The following ANKRD44 variants were observed in gnomAD, a reference collection of about 807,000 sequenced individuals.
ANKRD44 encodes serine/threonine-protein phosphatase 6 regulatory ankyrin repeat subunit B.
Under a neutral mutation model 116.0 loss-of-function variants are expected in ANKRD44, and 35 were observed. The observed-to-expected ratio is 0.30, with a 90% confidence interval of 0.23 to 0.40. ANKRD44 has a LOEUF of 0.40. ANKRD44 is among the 10% of genes least tolerant of loss of function. The probability of loss-of-function intolerance (pLI) is 1.00; values close to 1 mark genes in which losing one functional copy is unlikely to be tolerated. For missense variants in ANKRD44, 1,014 were observed against 1,242.6 expected, an observed-to-expected ratio of 0.82 and a Z score of 2.77; for synonymous variants, 435 against 461.8, an observed-to-expected ratio of 0.94 and a Z score of 0.74.
At position 197,110,863 on chromosome 2, in the gene ANKRD44, G is replaced by A; in HGVS notation, c.907-19C>T. On this transcript the variant is annotated intron_variant, in intron 8 of 27. Transcript: ENST00000282272. ...CTTTACTCTAAAAAAAAGAGAGGGA[G>A]AGAAAAACAATGGAGGTGCTCATGA... The A allele has an allele frequency of 1.9e-6, 3 of 1,603,958 alleles. No individual in the cohort carries two copies. The highest frequency in any genetic ancestry group is 2.6e-6 in the Non-Finnish European group (3 of 1,170,804).
At chr2:197,298,100 A>G (rs2083777310) in intron 1 of ANKRD44, among the ~76,000 whole-genome samples, 1 of 152,248 alleles carries the variant, frequency 6.6e-6, no homozygotes, top group African/African-American at 2.4e-5. Flanking sequence ...GAAACCACTC[A>G]AGGCAACAAC....
chr2:197,243,340 T>G (rs2125804798), intron 1 of ANKRD44, among the ~76,000 whole-genome samples: 1 of 150,836 alleles, frequency 6.6e-6, no homozygotes, highest in South Asian at 2.1e-4. Flanking sequence ...TTAAAGAACC[T>G]AAGAAACAAG....
At chr2:197,116,656 A>G (rs1195621045) in intron 8 of ANKRD44, among the ~76,000 whole-genome samples, 2 of 152,124 alleles carry the variant, frequency 1.3e-5, no homozygotes, top group African/African-American at 4.8e-5. Context: ...CTAAGAGTAA[A>G]GGGCTGTTTC....
chr2:197,258,644 A>C (rs1203893951), intron 1 of ANKRD44, among the ~76,000 whole-genome samples: 1 of 152,188 alleles, frequency 6.6e-6, no homozygotes, highest in Non-Finnish European at 1.5e-5. Flanking sequence ...TTCTATATAT[A>C]ACTTTTTGAG....
At chr2:197,253,550 T>C (rs936696732) in intron 1 of ANKRD44, among the ~76,000 whole-genome samples, 1 of 152,172 alleles carries the variant, frequency 6.6e-6, no homozygotes, top group Non-Finnish European at 1.5e-5. Flanking sequence ...TTATGCTATA[T>C]ATATTTATTG....
intron 2 of ANKRD44, 24 bp from the exon 3 acceptor site, chr2:197,147,129 A>G (rs113567013): frequency 1.2e-6 from 2 of 1,609,580 alleles, no homozygotes; most frequent in Admixed American, 3.3e-5. Flanking sequence ...CGTCAAAGAC[A>G]TACAACAGGT....
rs1013838595 is a variant in ANKRD44, at chr2:197,107,309, A to G, written c.985+3457T>C. ...TTATTTTTAAAGCTTCTGTGAAGAA[A>G]ACATCATTTTTGAACTTGTGTAACC... On this transcript the variant is annotated intron_variant, in intron 9 of 27. Coordinates refer to ENST00000282272, the MANE Select transcript of ANKRD44 (RefSeq NM_001195144.2). Among the ~76,000 whole-genome samples, 4 of 152,200 alleles carry G rather than the reference A, an allele frequency of 2.6e-5. No individual in the cohort carries two copies. The East Asian group carries it at 7.7e-4, about 29-fold the overall frequency.
At chr2:197,045,529 CCT>C (rs1316776714) in intron 16 of ANKRD44, among the ~76,000 whole-genome samples, 1 of 147,870 alleles carries the variant, frequency 6.8e-6, no homozygotes, top group Non-Finnish European at 1.5e-5. Context: ...AATTTCCACC[CCT>C]GTTATTCACT....
chr2:197,030,334 CTG>C (rs1380519634), intron 16 of ANKRD44, among the ~76,000 whole-genome samples: 2 of 152,194 alleles, frequency 1.3e-5, no homozygotes, highest in Non-Finnish European at 2.9e-5. Context: ...CAGAGAAAAT[CTG>C]TGATTTCCAA....
intron 1 of ANKRD44, among the ~76,000 whole-genome samples, chr2:197,252,205 A>C (rs1048733771): frequency 6.6e-6 from 1 of 152,166 alleles, no homozygotes; most frequent in Non-Finnish European, 1.5e-5. Context: ...AAGAACAGGC[A>C]TTGGTATACA....
chr2:197,089,809 T>C, intron 11 of ANKRD44, 141 bp downstream of exon 11: 1 of 628,036 alleles, frequency 1.6e-6, no homozygotes, highest in Non-Finnish European at 2.8e-6. Context: ...CACATGCAGT[T>C]AGCTGAGAAA....
chr2:197,245,487 G>C (rs1227033795), intron 1 of ANKRD44, among the ~76,000 whole-genome samples: 1 of 152,140 alleles, frequency 6.6e-6, no homozygotes, highest in Non-Finnish European at 1.5e-5. Context: ...CCAAGGGACA[G>C]CAGTATACAT....
At chr2:197,003,908 T>A (rs2076157548) in intron 21 of ANKRD44, among the ~76,000 whole-genome samples, 1 of 152,070 alleles carries the variant, frequency 6.6e-6, no homozygotes, top group African/African-American at 2.4e-5. Context: ...AATTTGGCTC[T>A]TACTGAGCAG....
chr2:197,142,985 A>G (rs2079404344), intron 3 of ANKRD44, among the ~76,000 whole-genome samples: 2 of 151,388 alleles, frequency 1.3e-5, no homozygotes, highest in Admixed American at 1.3e-4. Context: ...AAAAAGAAAA[A>G]AAAAAAAGTA....
chr2:197,276,801 A>G (rs1025891587), intron 1 of ANKRD44, among the ~76,000 whole-genome samples: 1 of 152,136 alleles, frequency 6.6e-6, no homozygotes, highest in African/African-American at 2.4e-5. Context: ...GCCTTATAGA[A>G]CTGATTCTAA....
chr2:196,982,413 GT>G, downstream of ANKRD44, among the ~76,000 whole-genome samples: 2 of 152,220 alleles, frequency 1.3e-5, no homozygotes, highest in Non-Finnish European at 1.5e-5. Flanking sequence ...TTTCCTTGGA[GT>G]AAACTTGCGA....
At chr2:197,100,895 G>A (rs962849648) in intron 9 of ANKRD44, among the ~76,000 whole-genome samples, 4 of 150,322 alleles carry the variant, frequency 2.7e-5, no homozygotes, top group Admixed American at 6.6e-5. Flanking sequence ...TCCCTTTTTC[G>A]TGTGTGTGTA....
intron 1 of ANKRD44, among the ~76,000 whole-genome samples, chr2:197,266,487 A>C (rs1186152477): frequency 6.6e-6 from 1 of 152,074 alleles, no homozygotes; most frequent in Non-Finnish European, 1.5e-5. Context: ...TAATTACACA[A>C]ACATTAAATC....
At chr2:197,070,172 G>T (rs1004818864) in intron 16 of ANKRD44, among the ~76,000 whole-genome samples, 6 of 152,086 alleles carry the variant, frequency 3.9e-5, no homozygotes, top group African/African-American at 1.4e-4. Flanking sequence ...TGTAGACAAT[G>T]ATGTCATCTG....
Sources: gnomAD v4.1 joint callset for allele counts (sites outside exome capture counted in the v4.1 genomes callset) on GRCh38, gnomAD v4.1.1 for gene constraint, MANE v1.5 for transcripts, NCBI Gene and HGNC (gene_info 2026-07-23, HGNC 2026-07-21) for gene names.